The following ASTN2 variants were observed in gnomAD, a reference collection of about 807,000 sequenced individuals.
ASTN2 encodes the protein astrotactin 2, also known as astrotactin-2.
ASTN2 carries 54 observed loss-of-function variants against 139.8 expected under a neutral mutation model. The observed-to-expected ratio is 0.39, with a 90% CI of 0.31 to 0.48. ASTN2 has a LOEUF of 0.48. Among genes scored for constraint, ASTN2 ranks in the 20% least tolerant of loss-of-function variants. The pLI is 0.95. For synonymous variants in ASTN2, 756 were observed against 719.5 expected, an observed-to-expected ratio of 1.05 and a Z score of -0.81; for missense variants, 1,565 against 1,725.1, an observed-to-expected ratio of 0.91 and a Z score of 1.64.
At position 116,820,927 on chromosome 9, in the gene ASTN2, A is replaced by G. The variant is rs113839846; in HGVS notation, c.2041-144T>C. 138 of 833,038 alleles carry G rather than the reference A, an allele frequency of 1.7e-4. No homozygotes were observed. The African/African-American group carries it at 2.2e-3, about 13-fold the overall frequency. 51.6% of individuals were successfully genotyped at this position (833,038 alleles called of 1,614,324 possible). ...CCTTTTGTCAGTTAATAACTTTGTG[A>G]CAAGTTCCACAAGTCCCTTTACTTC... is the stretch of plus-strand genomic sequence containing the variant. On this transcript the variant is annotated intron_variant, in intron 11 of 22. Transcript: ENST00000313400.
At chr9:117,359,216 C>A (rs1315443779) in intron 1 of ASTN2, among the ~76,000 whole-genome samples, 2 of 152,132 alleles carry the variant, frequency 1.3e-5, no homozygotes, top group East Asian at 1.9e-4. Context: ...AAACTGAGAA[C>A]CTCAGAGTCC....
At chr9:117,259,963 A>G (rs1445769699) in intron 2 of ASTN2, among the ~76,000 whole-genome samples, 2 of 152,222 alleles carry the variant, frequency 1.3e-5, no homozygotes, top group African/African-American at 2.4e-5. Context: ...TAAATGCTCA[A>G]TAAAAGCTTT....
intron 13 of ASTN2, among the ~76,000 whole-genome samples, chr9:116,794,669 T>C (rs1564271197): frequency 1.3e-5 from 2 of 152,312 alleles, no homozygotes; most frequent in East Asian, 3.9e-4. Context: ...CGTATGAGCA[T>C]CAATCTGCTT....
intron 19 of ASTN2, among the ~76,000 whole-genome samples, chr9:116,495,066 T>C (rs1849627756): frequency 6.6e-6 from 1 of 152,158 alleles, no homozygotes; most frequent in Non-Finnish European, 1.5e-5. Context: ...TGCATAACCT[T>C]TCAGGAGTAA....
intron 2 of ASTN2, among the ~76,000 whole-genome samples, chr9:117,227,941 C>T (rs1274286655): frequency 6.6e-6 from 1 of 152,132 alleles, no homozygotes; most frequent in Non-Finnish European, 1.5e-5. Context: ...ATTACTATTA[C>T]TATATCTAGA....
chr9:117,134,041 T>A (rs887977419), intron 4 of ASTN2, among the ~76,000 whole-genome samples: 16 of 151,844 alleles, frequency 1.1e-4, no homozygotes, highest in Admixed American at 7.9e-4. Flanking sequence ...GCGGTAAACC[T>A]AAATCCCACC....
chr9:116,884,811 C>CCT (rs1554756748), intron 10 of ASTN2, among the ~76,000 whole-genome samples: 2 of 126,414 alleles, frequency 1.6e-5, no homozygotes, highest in Non-Finnish European at 3.3e-5. Context: ...CCGCCCCCCC[C>CCT]CCACCCACTT....
chr9:116,540,827 T>C (rs1355738769), intron 19 of ASTN2: 2 of 152,210 alleles, frequency 1.3e-5, no homozygotes, highest in Non-Finnish European at 2.9e-5. Context: ...CCCATTTTTA[T>C]CTTGCAGTCT....
chr9:116,706,057 AG>A (rs779392175), intron 16 of ASTN2, among the ~76,000 whole-genome samples: 1 of 152,022 alleles, frequency 6.6e-6, no homozygotes, highest in Non-Finnish European at 1.5e-5. Context: ...ATACTTATAG[AG>A]GTGGTAGGGT....
At chr9:117,339,906 C>T (rs970682708) in intron 1 of ASTN2, among the ~76,000 whole-genome samples, 1 of 86,984 alleles carries the variant, frequency 1.1e-5, no homozygotes, top group African/African-American at 4.7e-5. Context: ...GTCTCTTTTA[C>T]AAAAAAAAAA....
At chr9:116,682,377 C>T (rs1205981228) in intron 16 of ASTN2, among the ~76,000 whole-genome samples, 1 of 152,176 alleles carries the variant, frequency 6.6e-6, no homozygotes, top group African/African-American at 2.4e-5. Context: ...CAGGAAACAA[C>T]AAGTGCTGGA....
chr9:117,220,007 G>T (rs1832462225), intron 2 of ASTN2, among the ~76,000 whole-genome samples: 1 of 152,176 alleles, frequency 6.6e-6, no homozygotes, highest in Non-Finnish European at 1.5e-5. Flanking sequence ...TCCTTGGACT[G>T]CAATAGGCTC....
chr9:117,162,791 C>A (rs1165131685), intron 3 of ASTN2, among the ~76,000 whole-genome samples: 2 of 151,990 alleles, frequency 1.3e-5, no homozygotes, highest in Admixed American at 6.6e-5. Context: ...ATCCTAAATT[C>A]CGTGGAATAA....
At chr9:116,644,428 A>C (rs1289763952) in intron 17 of ASTN2, among the ~76,000 whole-genome samples, 1 of 152,176 alleles carries the variant, frequency 6.6e-6, no homozygotes, top group Non-Finnish European at 1.5e-5. Context: ...AAACATTGAA[A>C]GTCTCTTAAT....
At chr9:117,012,028 G>A (rs6478268) in intron 6 of ASTN2, among the ~76,000 whole-genome samples, 5,630 of 152,164 alleles carry the variant, frequency 0.037, 274 homozygotes, top group African/African-American at 0.11. Context: ...GTCATGACTC[G>A]TTAGTCCTTA....
chr9:116,522,085 C>T (rs1232306287), intron 19 of ASTN2, among the ~76,000 whole-genome samples: 1 of 152,108 alleles, frequency 6.6e-6, no homozygotes, highest in African/African-American at 2.4e-5. Flanking sequence ...CTAGTACAAC[C>T]ACTATCGAAA....
intron 16 of ASTN2, among the ~76,000 whole-genome samples, chr9:116,715,260 G>C (rs901970344): frequency 6.6e-6 from 1 of 152,172 alleles, no homozygotes; most frequent in Non-Finnish European, 1.5e-5. Flanking sequence ...CAGAGGCAAT[G>C]GAAGTGTCTC....
intron 3 of ASTN2, among the ~76,000 whole-genome samples, chr9:117,165,040 G>C (rs193009117): frequency 6.6e-6 from 1 of 152,048 alleles, no homozygotes; most frequent in Non-Finnish European, 1.5e-5. Context: ...TGAAGTATTT[G>C]AACATACAGT....
chr9:117,334,380 A>C (rs541495659), intron 1 of ASTN2, among the ~76,000 whole-genome samples: 2 of 152,240 alleles, frequency 1.3e-5, no homozygotes, highest in African/African-American at 4.8e-5. Flanking sequence ...CCCTGAGACT[A>C]GGATACATCA....
Sources: allele counts gnomAD v4.1 joint callset (sites outside exome capture counted in the v4.1 genomes callset), GRCh38; gene constraint gnomAD v4.1.1; transcripts MANE v1.5; gene names NCBI Gene and HGNC (gene_info 2026-07-23, HGNC 2026-07-21).